Variants in PTPRD observed in about 807,000 individuals in gnomAD.
PTPRD encodes receptor-type tyrosine-protein phosphatase delta.
A neutral mutation model predicts 214.5 loss-of-function variants in PTPRD; 34 were observed. The observed-to-expected ratio is 0.16, with a 90% CI of 0.12 to 0.21. The LOEUF is 0.21. Ranked by LOEUF, PTPRD falls within the 10% of genes least tolerant of loss-of-function variation. PTPRD has a pLI of 1.00. For missense variants in PTPRD, 2,545 were observed against 2,398.7 expected (o/e 1.06, Z -1.27); for synonymous variants, 1,128 against 845.7 (o/e 1.33, Z -5.79).
chr9:9,336,514 C>G (rs775489490), intron 9 of PTPRD, among the ~76,000 whole-genome samples: 6 of 152,084 alleles, frequency 3.9e-5, no homozygotes, highest in Non-Finnish European at 8.8e-5. Context: ...AATTTCCATG[C>G]CCTTCCCATA....
intron 3 of PTPRD, among the ~76,000 whole-genome samples, chr9:10,216,903 G>A (rs2498600): frequency 0.15 from 23,071 of 151,944 alleles, 2,075 homozygotes; most frequent in African/African-American, 0.25. Context: ...CCATGGGGAT[G>A]TTCACTCTAG....
intron 9 of PTPRD, among the ~76,000 whole-genome samples, chr9:9,374,413 T>C (rs1472806355): frequency 6.6e-6 from 1 of 152,074 alleles, no homozygotes; most frequent in Non-Finnish European, 1.5e-5. Flanking sequence ...AAGAAGAAGA[T>C]AATTACTTAT....
intron 30 of PTPRD, among the ~76,000 whole-genome samples, chr9:8,482,317 CAT>C (rs1315390494): frequency 6.6e-6 from 1 of 152,116 alleles, no homozygotes; most frequent in Non-Finnish European, 1.5e-5. Context: ...TAGTGTAACT[CAT>C]GTCTACCTCT....
chr9:8,463,308 C>CA (rs71308864), intron 32 of PTPRD, among the ~76,000 whole-genome samples: 8,309 of 28,724 alleles, frequency 0.29, 2,125 homozygotes, highest in Non-Finnish European at 0.41. Flanking sequence ...CAGAGGCAGC[C>CA]AAAAAAAAAA....
At chr9:9,897,751 C>T (rs2075381054) in intron 5 of PTPRD, among the ~76,000 whole-genome samples, 1 of 152,058 alleles carries the variant, frequency 6.6e-6, no homozygotes, top group Non-Finnish European at 1.5e-5. Flanking sequence ...TTTTAAACTA[C>T]TTATGAGCAT....
chr9:8,402,641 T>A (rs1287304453), intron 36 of PTPRD, among the ~76,000 whole-genome samples: 1 of 152,186 alleles, frequency 6.6e-6, no homozygotes. Context: ...GTGACTCAGT[T>A]TAGTTTTTCA....
Position 9,408,667 on chromosome 9 carries a change from T to C in PTPRD, c.-236-11185A>G, listed in dbSNP as rs188492132. 2.2e-3 allele frequency among the ~76,000 whole-genome samples: 332 copies of C among 151,998 alleles called. 1 individual carries two copies. The highest frequency in any genetic ancestry group is 1.9e-3 in the Non-Finnish European group (128 of 67,774). ...TTATATTAAGGAAAGAATAGGGATC[T>C]GGGTTATCAGACAGAACATTGTTTG... On this transcript the variant is annotated intron_variant, in intron 8 of 45. Coordinates refer to ENST00000381196, the MANE Select transcript of PTPRD (RefSeq NM_002839.4).
chr9:8,843,796 C>A (rs1323450730), intron 11 of PTPRD, among the ~76,000 whole-genome samples: 1 of 152,088 alleles, frequency 6.6e-6, no homozygotes, highest in Admixed American at 6.5e-5. Context: ...CCCATTTCTG[C>A]AGTGTAACAA....
intron 2 of PTPRD, among the ~76,000 whole-genome samples, chr9:10,608,764 G>T (rs2080159641): frequency 6.6e-6 from 1 of 152,000 alleles, no homozygotes; most frequent in African/African-American, 2.4e-5. Context: ...AACGGGTAAT[G>T]TTCATTTTTT....
intron 9 of PTPRD, among the ~76,000 whole-genome samples, chr9:9,344,287 T>C (rs998609745): frequency 2.6e-5 from 4 of 151,142 alleles, no homozygotes; most frequent in Admixed American, 2.0e-4. Flanking sequence ...TGAGAACACA[T>C]GGACACAGGG....
chr9:9,935,113 A>G (rs1034268684), intron 5 of PTPRD, among the ~76,000 whole-genome samples: 3 of 152,142 alleles, frequency 2.0e-5, no homozygotes, highest in Admixed American at 1.3e-4. Flanking sequence ...CCCACAGCCA[A>G]TATCATACTG....
chr9:8,455,811 G>T (rs956921329), intron 33 of PTPRD, among the ~76,000 whole-genome samples: 1 of 152,170 alleles, frequency 6.6e-6, no homozygotes, highest in African/African-American at 2.4e-5. Context: ...GGAATCAGTT[G>T]TAGAAAAATC....
intron 9 of PTPRD, among the ~76,000 whole-genome samples, chr9:9,346,390 A>T (rs2048808259): frequency 6.6e-6 from 1 of 152,184 alleles, no homozygotes; most frequent in Non-Finnish European, 1.5e-5. Flanking sequence ...CCAAAAATTA[A>T]CTGAGAGAAA....
intron 3 of PTPRD, among the ~76,000 whole-genome samples, chr9:10,165,560 A>T (rs1026220397): frequency 8.6e-5 from 13 of 151,804 alleles, no homozygotes; most frequent in African/African-American, 2.9e-4. Context: ...GGCTAGTAAA[A>T]TGTTTTGTTT....
At chr9:9,511,100 G>C (rs909682448) in intron 8 of PTPRD, among the ~76,000 whole-genome samples, 1 of 151,748 alleles carries the variant, frequency 6.6e-6, no homozygotes, top group Non-Finnish European at 1.5e-5. Flanking sequence ...CAAAAGAAAT[G>C]TGTGTGATTT....
chr9:9,335,954 T>C (rs1432560638), intron 9 of PTPRD, among the ~76,000 whole-genome samples: 2 of 151,700 alleles, frequency 1.3e-5, no homozygotes, highest in South Asian at 2.1e-4. Context: ...GATCATAAAC[T>C]TGGATAAAAT....
chr9:10,174,440 C>G (rs184600409), intron 3 of PTPRD, among the ~76,000 whole-genome samples: 1 of 152,098 alleles, frequency 6.6e-6, no homozygotes, highest in East Asian at 1.9e-4. Context: ...AGGCCCTCAA[C>G]AGAAATAGGG....
intron 10 of PTPRD, among the ~76,000 whole-genome samples, chr9:9,110,572 C>T (rs1487645507): frequency 6.6e-6 from 1 of 152,096 alleles, no homozygotes; most frequent in African/African-American, 2.4e-5. Flanking sequence ...ATATTTCCTC[C>T]TTAAGACCAG....
At position 10,178,948 on chromosome 9, in the gene PTPRD, T is replaced by C. The variant is rs531760550; in HGVS notation, c.-544-145158A>G. Among the ~76,000 whole-genome samples the C allele has an allele frequency of 1.9e-3, 295 of 151,918 alleles. 10 individuals are homozygous for C. The South Asian group carries it at 0.06, about 31-fold the overall frequency. On this transcript the variant is annotated intron_variant, in intron 3 of 45. Coordinates refer to ENST00000381196, the MANE Select transcript of PTPRD (RefSeq NM_002839.4). The stretch of plus-strand genomic sequence containing the variant: ...AAAGTAATAAATACAGGTGAGGAAA[T>C]ACAGGAATGGGGAACAATACTTTTC...
Sources: gnomAD v4.1 joint callset for allele counts (sites outside exome capture counted in the v4.1 genomes callset) on GRCh38, gnomAD v4.1.1 for gene constraint, MANE v1.5 for transcripts, NCBI Gene and HGNC (gene_info 2026-07-23, HGNC 2026-07-21) for gene names.